KIAA1328: variants seen among roughly 807,000 people sequenced by gnomAD.
KIAA1328 encodes the protein KIAA1328, also known as protein hinderin.
Under a neutral mutation model 68.1 loss-of-function variants are expected in KIAA1328, and 52 were observed. That is an observed-to-expected ratio of 0.76 (90% confidence interval 0.61 to 0.96). The LOEUF (loss-of-function observed/expected upper bound fraction) is 0.96. KIAA1328 is among the 40% of genes least tolerant of loss of function. The pLI is 0.00. For synonymous variants in KIAA1328, 232 were observed against 239.4 expected, an observed-to-expected ratio of 0.97 and a Z score of 0.28; for missense variants, 641 against 677.6, an observed-to-expected ratio of 0.95 and a Z score of 0.60.
intron 4 of KIAA1328, among the ~76,000 whole-genome samples, chr18:36,881,068 T>C (rs2048313400): frequency 6.6e-6 from 1 of 152,202 alleles, no homozygotes; most frequent in Non-Finnish European, 1.5e-5. Context: ...TATCAAGGTA[T>C]GGCTGCATTA....
intron 6 of KIAA1328, among the ~76,000 whole-genome samples, chr18:36,992,739 AGAG>A (rs1216691940): frequency 6.6e-6 from 1 of 152,220 alleles, no homozygotes. Context: ...ATAAAGAGCC[AGAG>A]GATGAATGTT....
In KIAA1328 at chr18:37,222,050, T is replaced by C; in HGVS notation, c.1557T>C (p.Ser519=). Residue 519 remains serine (S), a synonymous_variant, in exon 10 of 10, where the codon TCT becomes TCC. Transcript: ENST00000280020. ...YETSLLDLVQ[S]LSPNSAPKPQ... ...CATCTTTGTTGGATTTGGTTCAGTC[T>C]CTGAGCCCAAACTCTGCGCCCAAAC... is the stretch of plus-strand genomic sequence containing the variant. 1 of 1,613,696 alleles carries C rather than the reference T, an allele frequency of 6.2e-7. No individual in the cohort carries two copies. The highest frequency in any genetic ancestry group is 8.5e-7 in the Non-Finnish European group (1 of 1,179,738).
rs75315448 is a variant in KIAA1328, at chr18:37,008,247, G to C, written c.576+48812G>C. Among the ~76,000 whole-genome samples, 644 of 152,302 alleles carry C rather than the reference G, an allele frequency of 4.2e-3. 4 individuals carry two copies. Among genetic ancestry groups the C allele is most frequent in the African/African-American group, 0.014 (598 of 41,562 alleles). On this transcript the variant is annotated intron_variant, in intron 6 of 9. Coordinates refer to ENST00000280020, the MANE Select transcript of KIAA1328 (RefSeq NM_020776.3). ...CTGGAGAAGGGTGTTCCCTCATTTT[G>C]TGTATGGGCAACACAAGTACTATGC...
intron 5 of KIAA1328, chr18:36,885,888 C>A: frequency 6.1e-6 from 3 of 492,628 alleles, no homozygotes; most frequent in Non-Finnish European, 1.1e-5. Context: ...AGCTAATTTT[C>A]GTATTTTTAG....
intron 4 of KIAA1328, among the ~76,000 whole-genome samples, chr18:36,880,093 G>A (rs2048279862): frequency 1.3e-5 from 2 of 152,182 alleles, no homozygotes; most frequent in African/African-American, 2.4e-5. Flanking sequence ...AACTCCTGTA[G>A]CTAGCTTGGT....
chr18:36,855,920 TC>T (rs1178624733), intron 4 of KIAA1328, among the ~76,000 whole-genome samples: 1 of 152,082 alleles, frequency 6.6e-6, no homozygotes, highest in East Asian at 1.9e-4. Flanking sequence ...GTCCCAGCTC[TC>T]CTTTCATTTT....
In KIAA1328 at chr18:36,854,681, T is replaced by C. The variant is rs576432137; in HGVS notation, c.332+10379T>C. Among the ~76,000 whole-genome samples, 3 of 152,274 alleles carry C rather than the reference T, an allele frequency of 2.0e-5. No homozygotes were observed. The East Asian group carries it at 5.8e-4, about 29-fold the overall frequency. ...AATTTTGAGAGTTAAGTTCACATAA[T>C]GTTAAATCATCCATTTTAAGTACAC... is the stretch of plus-strand genomic sequence containing the variant. On this transcript the variant is annotated intron_variant, in intron 4 of 9. Transcript: ENST00000280020.
chr18:36,923,444 A>G (rs2050002098), intron 5 of KIAA1328, among the ~76,000 whole-genome samples: 2 of 152,194 alleles, frequency 1.3e-5, no homozygotes, highest in South Asian at 4.1e-4. Flanking sequence ...ACAAATTACC[A>G]AATTAGGAAT....
In KIAA1328 at chr18:37,223,965, T is replaced by G. The variant is rs1039751773; in HGVS notation, c.*1738T>G. On this transcript the variant is annotated 3_prime_UTR_variant, in exon 10 of 10. Coordinates refer to ENST00000280020, the MANE Select transcript of KIAA1328 (RefSeq NM_020776.3). Reference sequence around the variant, plus strand: ...AAAATCATTACAGATTAAAATTTCTTTATAAAGTTCACCTCTGAGAGTAAC... The same window carrying G: ...AAAATCATTACAGATTAAAATTTCTGTATAAAGTTCACCTCTGAGAGTAAC... 23 of 985,258 alleles carry G rather than the reference T, an allele frequency of 2.3e-5. No individual in the cohort carries two copies. In the African/African-American group the frequency reaches 3.8e-4, roughly 16 times the overall value. 61.0% of individuals were successfully genotyped at this position (985,258 alleles called of 1,614,324 possible).
intron 5 of KIAA1328, among the ~76,000 whole-genome samples, chr18:36,899,261 A>G (rs1568138439): frequency 6.6e-6 from 1 of 151,938 alleles, no homozygotes; most frequent in South Asian, 2.1e-4. Flanking sequence ...CTTTTAGTAT[A>G]TGTTTATTGT....
At chr18:37,146,302 T>TTATAAG (rs2058898746) in intron 7 of KIAA1328, among the ~76,000 whole-genome samples, 1 of 152,160 alleles carries the variant, frequency 6.6e-6, no homozygotes, top group Non-Finnish European at 1.5e-5. Context: ...CCATGTGTTC[T>TTATAAG]CATCATTTAG....
At chr18:37,207,228 TG>T (rs2060232362) in intron 9 of KIAA1328, among the ~76,000 whole-genome samples, 1 of 152,220 alleles carries the variant, frequency 6.6e-6, no homozygotes, top group Non-Finnish European at 1.5e-5. Flanking sequence ...TCAATTTGTC[TG>T]GTTCTAAAAC....
chr18:37,006,125 A>G (rs1013499046), intron 6 of KIAA1328, among the ~76,000 whole-genome samples: 2 of 152,138 alleles, frequency 1.3e-5, no homozygotes, highest in East Asian at 3.8e-4. Flanking sequence ...GGCATTATAT[A>G]TGCATAATAA....
At chr18:37,156,427 A>C (rs2059153945) in intron 7 of KIAA1328, among the ~76,000 whole-genome samples, 3 of 81,210 alleles carry the variant, frequency 3.7e-5, no homozygotes, top group Non-Finnish European at 7.0e-5. Flanking sequence ...ACTCCGCCTC[A>C]AAAAAAAAAA....
intron 7 of KIAA1328, among the ~76,000 whole-genome samples, chr18:37,115,483 C>T (rs1030382154): frequency 6.6e-6 from 1 of 152,176 alleles, no homozygotes; most frequent in Non-Finnish European, 1.5e-5. Context: ...GCTAAAAACT[C>T]TCAATAAGCT....
At chr18:37,052,994 C>A (rs1357842910) in intron 6 of KIAA1328, among the ~76,000 whole-genome samples, 1 of 152,078 alleles carries the variant, frequency 6.6e-6, no homozygotes, top group Non-Finnish European at 1.5e-5. Context: ...AAAAGCAGTT[C>A]TAAAATTCAT....
intron 6 of KIAA1328, among the ~76,000 whole-genome samples, chr18:36,977,146 A>T (rs530851799): frequency 6.6e-6 from 1 of 152,190 alleles, no homozygotes; most frequent in Non-Finnish European, 1.5e-5. Context: ...TGTCTCCCCA[A>T]TTACAGCACT....
intron 6 of KIAA1328, among the ~76,000 whole-genome samples, chr18:37,035,858 T>G (rs1031897092): frequency 6.6e-6 from 1 of 152,168 alleles, no homozygotes; most frequent in Non-Finnish European, 1.5e-5. Flanking sequence ...AGTGAGACAT[T>G]TTATCAATAC....
rs535487042 is a variant in KIAA1328 at position 36,952,449 on chromosome 18, T to C, written c.449-6859T>C. ...TGTATTGAATATATACTTTGTGCCC[T>C]GCACTATGCTAAGTGTTCTTCATTT... On this transcript the variant is annotated intron_variant, in intron 5 of 9. Coordinates refer to ENST00000280020, the MANE Select transcript of KIAA1328 (RefSeq NM_020776.3). Among the ~76,000 whole-genome samples, 77 of 152,338 alleles carry C rather than the reference T, an allele frequency of 5.1e-4. 1 individual carries two copies. The highest frequency in any genetic ancestry group is 1.7e-3 in the African/African-American group (70 of 41,582).
Sources: allele counts gnomAD v4.1 joint callset (sites outside exome capture counted in the v4.1 genomes callset), GRCh38; gene constraint gnomAD v4.1.1; transcripts MANE v1.5; gene names NCBI Gene and HGNC (gene_info 2026-07-23, HGNC 2026-07-21).